SORCS1: variants seen among roughly 807,000 people sequenced by gnomAD.
SORCS1 encodes the protein VPS10 domain-containing receptor SorCS1.
Under a neutral mutation model 146.1 loss-of-function variants are expected in SORCS1, and 60 were observed. The observed-to-expected ratio is 0.41, with a 90% CI of 0.33 to 0.51. The LOEUF (loss-of-function observed/expected upper bound fraction) is 0.51, where lower values mean the gene tolerates loss of function less well. SORCS1 is among the 20% of genes least tolerant of loss of function. The pLI, the probability that SORCS1 is intolerant of heterozygous loss-of-function variation, is 0.21. For synonymous variants in SORCS1, 637 were observed against 584.0 expected, an observed-to-expected ratio of 1.09 and a Z score of -1.31; for missense variants, 1,352 against 1,487.6, an observed-to-expected ratio of 0.91 and a Z score of 1.50.
chr10:106,890,242 C>A (rs1055807714), intron 2 of SORCS1, among the ~76,000 whole-genome samples: 3 of 152,180 alleles, frequency 2.0e-5, no homozygotes, highest in African/African-American at 7.2e-5. Flanking sequence ...GGAACTCTGA[C>A]ATTTCAGGTT....
intron 1 of SORCS1, among the ~76,000 whole-genome samples, chr10:107,030,934 A>C (rs897296897): frequency 1.3e-5 from 2 of 152,090 alleles, no homozygotes; most frequent in African/African-American, 4.8e-5. Context: ...GGAGATGCCA[A>C]CTCTTCTGCA....
chr10:106,726,223 A>G (rs2135978667), intron 6 of SORCS1, among the ~76,000 whole-genome samples: 1 of 117,330 alleles, frequency 8.5e-6, no homozygotes, highest in East Asian at 2.6e-4. Flanking sequence ...GTGACAGGTC[A>G]GGTGTTATGC....
chr10:106,699,583 T>G (rs1292054945), intron 8 of SORCS1, among the ~76,000 whole-genome samples, 190 bp from the exon 9 acceptor site: 1 of 152,228 alleles, frequency 6.6e-6, no homozygotes, highest in African/African-American at 2.4e-5. Flanking sequence ...CTTGTGGGGT[T>G]AGGCAATAAG....
At chr10:106,774,573 C>T (rs12262941) in intron 4 of SORCS1, among the ~76,000 whole-genome samples, 7,112 of 152,028 alleles carry the variant, frequency 0.047, 263 homozygotes, top group East Asian at 0.11. Flanking sequence ...AAAAAATTGG[C>T]CTCCCCTACT....
In SORCS1 at chr10:106,878,620, G is replaced by GTGTATATATATATATA. The variant is rs904386657; in HGVS notation, c.627-48948_627-48947insTATATATATATATACA. On this transcript the variant is annotated intron_variant, in intron 2 of 25. Coordinates refer to ENST00000263054, the MANE Select transcript of SORCS1 (RefSeq NM_052918.5). The stretch of plus-strand genomic sequence containing the variant: ...AAATTTGTTTTTTATAAACTACCTA[G>GTGTATATATATATATA]TATATATATATATATATATATATAT... Among the ~76,000 whole-genome samples, 40 of 84,918 alleles carry GTGTATATATATATATA rather than the reference G, an allele frequency of 4.7e-4. 1 individual carries two copies. The highest frequency in any genetic ancestry group is 1.6e-3 in the African/African-American group (35 of 21,786). 55.7% of individuals were successfully genotyped at this position (84,918 alleles called of 152,430 possible).
At chr10:106,782,477 T>C (rs1021481712) in intron 3 of SORCS1, among the ~76,000 whole-genome samples, 1 of 152,182 alleles carries the variant, frequency 6.6e-6, no homozygotes, top group African/African-American at 2.4e-5. Flanking sequence ...TGTGTGTTAA[T>C]TGCCTTGTCA....
At chr10:106,659,254 A>T (rs1319606957) in intron 17 of SORCS1, among the ~76,000 whole-genome samples, 1 of 152,212 alleles carries the variant, frequency 6.6e-6, no homozygotes, top group Non-Finnish European at 1.5e-5. Flanking sequence ...AGACCAGGTA[A>T]AAAGAAGAAA....
chr10:106,995,880 T>G (rs186657686), intron 1 of SORCS1, among the ~76,000 whole-genome samples: 5 of 152,286 alleles, frequency 3.3e-5, no homozygotes, highest in African/African-American at 9.6e-5. Flanking sequence ...CTGGCAAATG[T>G]TGTGACCAGT....
At chr10:107,148,901 T>C (rs1339836995) in intron 1 of SORCS1, among the ~76,000 whole-genome samples, 1 of 152,202 alleles carries the variant, frequency 6.6e-6, no homozygotes, top group Non-Finnish European at 1.5e-5. Flanking sequence ...AGCTCTTTCT[T>C]ACCTAATTTT....
At chr10:107,175,825 A>G in the SORCS1 span, among the ~76,000 whole-genome samples, 436 of 152,222 alleles carry the variant, frequency 2.9e-3, 4 homozygotes, top group African/African-American at 1.0e-2. Context: ...TATTGATATA[A>G]ATTTGTTTTA....
chr10:106,665,923 C>G (rs1851101014), intron 17 of SORCS1, among the ~76,000 whole-genome samples: 1 of 152,166 alleles, frequency 6.6e-6, no homozygotes, highest in African/African-American at 2.4e-5. Context: ...ACTGTAAGCT[C>G]TGCCTCCCCT....
intron 5 of SORCS1, among the ~76,000 whole-genome samples, chr10:106,759,896 T>C (rs1012390148): frequency 1.5e-5 from 2 of 132,518 alleles, no homozygotes; most frequent in African/African-American, 5.8e-5. Flanking sequence ...AAAATAATGA[T>C]ATATGCATAA....
intron 24 of SORCS1, among the ~76,000 whole-genome samples, chr10:106,580,561 C>A (rs1012286089): frequency 3.3e-5 from 5 of 152,164 alleles, no homozygotes; most frequent in Non-Finnish European, 7.3e-5. Context: ...TTGGTGCTGA[C>A]CTTTACCTTC....
rs535353248 is a variant in SORCS1, at chr10:107,030,174, A to C, written c.559-73594T>G. 2.3e-3 allele frequency among the ~76,000 whole-genome samples: 355 copies of C among 152,308 alleles called. 4 individuals are homozygous for C. Among genetic ancestry groups the C allele is most frequent in the Admixed American group, 5.1e-3 (78 of 15,298 alleles). ...CATCTCTTTTGTTGGGTCGAGTGCC[A>C]GTCTCCACATTCAATACTTAAGTAC... is the stretch of plus-strand genomic sequence containing the variant. On this transcript the variant is annotated intron_variant, in intron 1 of 25. Transcript: ENST00000263054.
intron 9 of SORCS1, among the ~76,000 whole-genome samples, chr10:106,696,711 T>C (rs1853731250): frequency 6.6e-6 from 1 of 152,252 alleles, no homozygotes. Flanking sequence ...TTTCATTTCA[T>C]ACCTGTTACC....
chr10:106,647,791 A>G (rs1240351632), intron 18 of SORCS1, among the ~76,000 whole-genome samples: 1 of 152,260 alleles, frequency 6.6e-6, no homozygotes, highest in East Asian at 1.9e-4. Flanking sequence ...CCTGACAAAA[A>G]GCACTGAAGT....
At chr10:107,179,873 A>G in the SORCS1 span, among the ~76,000 whole-genome samples, 1 of 83,884 alleles carries the variant, frequency 1.2e-5, no homozygotes, top group African/African-American at 4.4e-5. Flanking sequence ...ATGTATTTTT[A>G]TCCTCTTAAC....
At chr10:106,702,971 G>A (rs1314738340) in intron 8 of SORCS1, among the ~76,000 whole-genome samples, 2 of 152,158 alleles carry the variant, frequency 1.3e-5, no homozygotes, top group Non-Finnish European at 2.9e-5. Flanking sequence ...GTGAATTAAA[G>A]AGCTTTCTTG....
At chr10:106,958,889 A>C (rs527473326) in intron 1 of SORCS1, among the ~76,000 whole-genome samples, 30 of 152,184 alleles carry the variant, frequency 2.0e-4, no homozygotes, top group African/African-American at 6.3e-4. Context: ...TGATGTTCCT[A>C]CTCCACCTCA....
Sources: allele counts gnomAD v4.1 joint callset (sites outside exome capture counted in the v4.1 genomes callset), GRCh38; gene constraint gnomAD v4.1.1; transcripts MANE v1.5; gene names NCBI Gene and HGNC (gene_info 2026-07-23, HGNC 2026-07-21).